The following NIBAN1 variants were observed in gnomAD, a reference collection of about 807,000 sequenced individuals.
NIBAN1 encodes protein Niban 1.
A neutral mutation model predicts 75.1 loss-of-function variants in NIBAN1; 81 were observed. The observed-to-expected ratio is 1.08, with a 90% confidence interval of 0.90 to 1.30. NIBAN1 has a LOEUF of 1.30. Among genes scored for constraint, NIBAN1 ranks in the 50% most tolerant of loss-of-function variants. The pLI is 0.00. For missense variants in NIBAN1, 1,133 were observed against 1,128.1 expected (o/e 1.00, Z -0.06); for synonymous variants, 436 against 424.8 (o/e 1.03, Z -0.32).
chr1:184,881,672 G>A (rs1656382800), intron 5 of NIBAN1, among the ~76,000 whole-genome samples: 1 of 152,174 alleles, frequency 6.6e-6, no homozygotes, highest in Non-Finnish European at 1.5e-5. Context: ...GTTATTTCTT[G>A]ATGATATGCT....
intron 5 of NIBAN1, among the ~76,000 whole-genome samples, chr1:184,858,764 A>G (rs903853266): frequency 1.3e-5 from 2 of 152,228 alleles, no homozygotes; most frequent in Non-Finnish European, 2.9e-5. Flanking sequence ...TGATAGTGGT[A>G]AACCTGGGAA....
chr1:184,910,100 G>A (rs1292465108), intron 1 of NIBAN1, among the ~76,000 whole-genome samples: 1 of 151,988 alleles, frequency 6.6e-6, no homozygotes, highest in Non-Finnish European at 1.5e-5. Flanking sequence ...TAAATGTGCT[G>A]GAATCTCATG....
chr1:184,933,093 T>C (rs1049787285), intron 1 of NIBAN1, among the ~76,000 whole-genome samples: 1 of 152,140 alleles, frequency 6.6e-6, no homozygotes, highest in Non-Finnish European at 1.5e-5. Context: ...ACTCACAGAA[T>C]ATTCCCAACT....
intron 4 of NIBAN1, among the ~76,000 whole-genome samples, chr1:184,888,639 C>A (rs1656592413): frequency 1.3e-5 from 2 of 152,152 alleles, no homozygotes; most frequent in South Asian, 2.1e-4. Context: ...AAGCCTTGGG[C>A]CAACTGGGAT....
chr1:184,934,450 T>C (rs1369280108), intron 1 of NIBAN1, among the ~76,000 whole-genome samples: 1 of 152,182 alleles, frequency 6.6e-6, no homozygotes, highest in Admixed American at 6.5e-5. Context: ...CCTGCACATC[T>C]ACCCCTTGAA....
chr1:184,844,715 C>T (rs1396838904), intron 5 of NIBAN1, among the ~76,000 whole-genome samples: 1 of 152,188 alleles, frequency 6.6e-6, no homozygotes, highest in East Asian at 1.9e-4. Flanking sequence ...CTGCAGTTTA[C>T]CCTTGTCTAG....
intron 1 of NIBAN1, 85 bp downstream of exon 1, chr1:184,974,217 G>A (rs1659014697): frequency 7.5e-7 from 1 of 1,337,376 alleles, no homozygotes; most frequent in Non-Finnish European, 9.7e-7. Flanking sequence ...AGGGCCCGGG[G>A]CGCGCCCCTT....
Position 184,823,164 on chromosome 1 carries a change from G to T in NIBAN1, c.985+3C>A, listed in dbSNP as rs780206939. The T allele has an allele frequency of 4.2e-5, 67 of 1,613,716 alleles. No individual in the cohort carries two copies. The highest frequency in any genetic ancestry group is 5.4e-5 in the Non-Finnish European group (64 of 1,179,874). ...AGTAAGAGCATGGATTATCTCTACT[G>T]ACCTTTGATCTTTCCAATTAAATAG... On this transcript the variant is annotated splice_donor_region_variant and intron_variant, in intron 8 of 13. Transcript: ENST00000367511.
intron 1 of NIBAN1, among the ~76,000 whole-genome samples, chr1:184,961,364 C>G (rs7511856): frequency 0.55 from 82,965 of 151,830 alleles, 24,105 homozygotes; most frequent in Non-Finnish European, 0.65. Flanking sequence ...CCACCGCGCC[C>G]AGCCTACATG....
chr1:184,919,844 C>CA (rs200375866), intron 1 of NIBAN1, among the ~76,000 whole-genome samples: 21 of 143,028 alleles, frequency 1.5e-4, no homozygotes, highest in South Asian at 2.2e-4. Flanking sequence ...CTCCAGATAA[C>CA]AAAAAAAAAT....
In NIBAN1 at chr1:184,803,592, C is replaced by T. The variant is rs1654106079; in HGVS notation, c.1547G>A (p.Cys516Tyr). 1 of 1,613,556 alleles carries T rather than the reference C, an allele frequency of 6.2e-7. No individual in the cohort carries two copies. The highest frequency in any genetic ancestry group is 1.3e-5 in the African/African-American group (1 of 74,916). Residue 516 changes from cysteine to tyrosine, a missense_variant, in exon 12 of 14, where the codon TGC becomes TAC. Coordinates refer to ENST00000367511, the MANE Select transcript of NIBAN1 (RefSeq NM_052966.4). ...PTVQKALAST[C>Y]KPELQKYEQF... is the part of the protein sequence containing the mutation. ...GGTAACTCATCCCCTTACTGGTTTG[C>T]ATGTGGACGCCAGTGCCTTCTGCAC... is the stretch of plus-strand genomic sequence containing the variant.
At chr1:184,882,870 C>T (rs891371463) in intron 5 of NIBAN1, among the ~76,000 whole-genome samples, 27 of 152,146 alleles carry the variant, frequency 1.8e-4, no homozygotes, top group Admixed American at 1.6e-3. Context: ...GCAGTCAGTG[C>T]TGGGCAATTT....
intron 1 of NIBAN1, among the ~76,000 whole-genome samples, chr1:184,917,255 A>G (rs1456417872): frequency 6.8e-6 from 1 of 146,304 alleles, no homozygotes; most frequent in Non-Finnish European, 1.5e-5. Flanking sequence ...CCCAGGCTGG[A>G]GTGCAGTGGC....
At chr1:184,927,791 C>G (rs1657719130) in intron 1 of NIBAN1, among the ~76,000 whole-genome samples, 1 of 152,038 alleles carries the variant, frequency 6.6e-6, no homozygotes, top group Non-Finnish European at 1.5e-5. Flanking sequence ...CATCCTGGAG[C>G]CAGGACCTAG....
rs1653764205 is a variant in NIBAN1 at position 184,793,998 on chromosome 1, GA to G, written c.*978del. 1 of 151,142 alleles carries G rather than the reference GA, an allele frequency of 6.6e-6. No homozygotes were observed. The allele number at this position is 151,142 out of a possible 1,614,324, so 9.4% of individuals were successfully genotyped here. A position where few individuals can be genotyped will look rare whatever the true frequency, so the allele number is the denominator to read the frequency against. ...GGAATGAACCAGGACTATTTGAATG[GA>G]AAGAGAAAAAAAAAAGCTGTCATAG... On this transcript the variant is annotated 3_prime_UTR_variant, in exon 14 of 14. Coordinates refer to ENST00000367511, the MANE Select transcript of NIBAN1 (RefSeq NM_052966.4).
chr1:184,861,917 T>C (rs756229543), intron 5 of NIBAN1, among the ~76,000 whole-genome samples: 38 of 152,170 alleles, frequency 2.5e-4, no homozygotes, highest in East Asian at 1.9e-4. Context: ...CATCTTCCCC[T>C]GCACAGTGAC....
chr1:184,966,260 A>G (rs1658782490), intron 1 of NIBAN1, among the ~76,000 whole-genome samples: 2 of 152,256 alleles, frequency 1.3e-5, no homozygotes, highest in Admixed American at 6.5e-5. Context: ...GGCCTAAGCC[A>G]CAAGAAGTCC....
intron 1 of NIBAN1, among the ~76,000 whole-genome samples, chr1:184,917,496 A>T (rs547127752): frequency 6.8e-6 from 1 of 147,092 alleles, no homozygotes; most frequent in African/African-American, 2.5e-5. Context: ...GGCGTGAGCC[A>T]CCCTGCCCGG....
intron 5 of NIBAN1, among the ~76,000 whole-genome samples, chr1:184,845,494 T>C (rs1655412043): frequency 6.6e-6 from 1 of 152,222 alleles, no homozygotes. Flanking sequence ...AGTATGATGG[T>C]TCATGCCTGT....
Sources: allele counts gnomAD v4.1 joint callset (sites outside exome capture counted in the v4.1 genomes callset), GRCh38; gene constraint gnomAD v4.1.1; transcripts MANE v1.5; gene names NCBI Gene and HGNC (gene_info 2026-07-23, HGNC 2026-07-21).